Variants in SLC24A4 observed in about 807,000 individuals in gnomAD.
The protein encoded by SLC24A4 is solute carrier family 24 member 4, also known as sodium/potassium/calcium exchanger 4.
SLC24A4 carries 53 observed loss-of-function variants against 79.0 expected under a neutral mutation model. That is an observed-to-expected ratio of 0.67 (90% confidence interval 0.54 to 0.84). SLC24A4 has a LOEUF of 0.84. Among genes scored for constraint, SLC24A4 ranks in the 40% least tolerant of loss-of-function variants. The probability of loss-of-function intolerance (pLI) is 0.00; values close to 1 mark genes in which losing one functional copy is unlikely to be tolerated. For missense variants in SLC24A4, 731 were observed against 822.0 expected, an observed-to-expected ratio of 0.89 and a Z score of 1.35; for synonymous variants, 323 against 323.8, an observed-to-expected ratio of 1.00 and a Z score of 0.03.
At chr14:92,406,909 G>GA (rs1890417622) in intron 2 of SLC24A4, among the ~76,000 whole-genome samples, 1 of 152,148 alleles carries the variant, frequency 6.6e-6, no homozygotes, top group Admixed American at 6.5e-5. Flanking sequence ...CTTCTCCTGA[G>GA]AAAATGGGTT....
At chr14:92,408,285 T>C (rs931107483) in intron 2 of SLC24A4, 3 of 513,220 alleles carry the variant, frequency 5.8e-6, no homozygotes, top group Non-Finnish European at 5.0e-6. Context: ...AATCTGTTAT[T>C]GTGTTTGTTG....
Position 92,323,730 on chromosome 14 carries a change from C to T in SLC24A4, c.-101C>T. On this transcript the variant is annotated 5_prime_UTR_variant, in exon 1 of 17. Coordinates refer to ENST00000532405, the MANE Select transcript of SLC24A4 (RefSeq NM_153646.4). The surrounding 1 kb of genome is among the most constrained non-coding windows in gnomAD (Gnocchi z 4.9). ...CCCGGAGCTCCTCGCCTCTGAGTCG[C>T]GCACCGCCTGCTCCAGCCCCAGCGC... The T allele has an allele frequency of 7.0e-7, 1 of 1,422,356 alleles. No individual in the cohort carries two copies. The highest frequency in any genetic ancestry group is 9.3e-7 in the Non-Finnish European group (1 of 1,074,796). The allele number at this position is 1,422,356 out of a possible 1,614,324, so 88.1% of individuals were successfully genotyped here.
In SLC24A4 at chr14:92,324,454, CG is replaced by C. The variant is rs986916176; in HGVS notation, c.130+500del. On this transcript the variant is annotated intron_variant, in intron 1 of 16. Transcript: ENST00000532405. ...CTAAAGGCGTTGGGGCAGTCTGCCGCGGGGGGTAGCTGCCATGTTTCAGCAT... is the reference window on the plus strand; with the variant it reads ...CTAAAGGCGTTGGGGCAGTCTGCCGCGGGGGTAGCTGCCATGTTTCAGCAT... 1.1e-4 allele frequency among the ~76,000 whole-genome samples: 16 copies of C among 152,318 alleles called. No homozygotes were observed. The East Asian group carries it at 2.1e-3, about 20-fold the overall frequency.
At chr14:92,380,663 A>G (rs1209914564) in intron 2 of SLC24A4, among the ~76,000 whole-genome samples, 2 of 152,240 alleles carry the variant, frequency 1.3e-5, no homozygotes, top group Non-Finnish European at 2.9e-5. Flanking sequence ...CCAGGAAGGA[A>G]CTTGCGGCTC....
intron 2 of SLC24A4, among the ~76,000 whole-genome samples, chr14:92,422,802 G>C (rs1052773150): frequency 1.6e-4 from 24 of 152,122 alleles, no homozygotes; most frequent in African/African-American, 5.6e-4. Context: ...CCTAGGTTCC[G>C]AATTTACTTT....
intron 2 of SLC24A4, among the ~76,000 whole-genome samples, chr14:92,404,809 C>G (rs551045803): frequency 2.0e-5 from 3 of 152,280 alleles, no homozygotes; most frequent in African/African-American, 7.2e-5. Flanking sequence ...CACTCCCACC[C>G]CTTACTTCAT....
intron 2 of SLC24A4, among the ~76,000 whole-genome samples, chr14:92,389,928 C>T (rs1372761352): frequency 6.6e-6 from 1 of 152,216 alleles, no homozygotes; most frequent in Non-Finnish European, 1.5e-5. Flanking sequence ...TCCTCTGCAG[C>T]TTGTTCTCTT....
At chr14:92,351,179 G>C (rs764552569) in intron 2 of SLC24A4, among the ~76,000 whole-genome samples, 1 of 151,248 alleles carries the variant, frequency 6.6e-6, no homozygotes, top group Non-Finnish European at 1.5e-5. Flanking sequence ...GCACCCAGTG[G>C]TCACTTGGGC....
Position 92,453,961 on chromosome 14 carries a change from C to A in SLC24A4, c.942C>A (p.Ser314=). 3 of 1,613,706 alleles carry A rather than the reference C, an allele frequency of 1.9e-6. No individual in the cohort carries two copies. Among genetic ancestry groups the A allele is most frequent in the Non-Finnish European group, 2.5e-6 (3 of 1,179,824 alleles). ...PVVMVDEIMS[S]SPPKFTFPEA... ...TGATGGTGGACGAGATTATGAGCTCCAGCCCTCCCAAGTTCACCTTCCCTG... is the reference window on the plus strand; with the variant it reads ...TGATGGTGGACGAGATTATGAGCTCAAGCCCTCCCAAGTTCACCTTCCCTG... The change falls in exon 11 of 17, where the codon TCC becomes TCA. Residue 314 remains serine (S), a synonymous_variant. Transcript: ENST00000532405.
chr14:92,449,061 C>G lies in SLC24A4; in HGVS notation c.738-13C>G. On this transcript the variant is annotated splice_polypyrimidine_tract_variant and intron_variant, in intron 9 of 16. Coordinates refer to ENST00000532405, the MANE Select transcript of SLC24A4 (RefSeq NM_153646.4). The stretch of plus-strand genomic sequence containing the variant: ...TTCCATTGCCCTGACCTCCTGCCTC[C>G]CCTCGCTTCCAGGTACAATGTGAAG... 1 of 1,613,930 alleles carries G rather than the reference C, an allele frequency of 6.2e-7. No individual in the cohort carries two copies. Among genetic ancestry groups the G allele is most frequent in the Non-Finnish European group, 8.5e-7 (1 of 1,179,868 alleles).
chr14:92,493,233 G>A (rs76500167), intron 16 of SLC24A4, among the ~76,000 whole-genome samples: 1,608 of 152,246 alleles, frequency 0.011, 17 homozygotes, highest in African/African-American at 0.037. Context: ...GTCCCATGAG[G>A]GCGGCTGCTG....
At chr14:92,379,208 G>C (rs559188168) in intron 2 of SLC24A4, among the ~76,000 whole-genome samples, 1 of 152,304 alleles carries the variant, frequency 6.6e-6, no homozygotes, top group Non-Finnish European at 1.5e-5. Context: ...GTGAGAGGTG[G>C]GGGATGACCT....
chr14:92,408,202 T>TGTGTGTGTGTGTGTGTGTGTGTG (rs33968349), intron 2 of SLC24A4, among the ~76,000 whole-genome samples: 1 of 151,438 alleles, frequency 6.6e-6, no homozygotes, highest in Admixed American at 6.6e-5. Context: ...TGTGTGTGTG[T>TGTGTGTGTGTGTGTGTGTGTGTG]TTCACATCCA....
At chr14:92,460,513 G>T (rs1462846441) in intron 12 of SLC24A4, among the ~76,000 whole-genome samples, 2 of 152,184 alleles carry the variant, frequency 1.3e-5, no homozygotes, top group Non-Finnish European at 2.9e-5. Context: ...TGTCATTCCA[G>T]GGCTCAAGGA....
intron 2 of SLC24A4, among the ~76,000 whole-genome samples, chr14:92,430,434 G>A (rs1252683916): frequency 3.3e-5 from 5 of 152,236 alleles, no homozygotes; most frequent in South Asian, 2.1e-4. Flanking sequence ...GGAGGCCTCC[G>A]AATGGCAGAT....
At chr14:92,425,451 G>A (rs74073048) in intron 2 of SLC24A4, among the ~76,000 whole-genome samples, 11,242 of 152,268 alleles carry the variant, frequency 0.074, 652 homozygotes, top group African/African-American at 0.14. Flanking sequence ...AAACAGTAGA[G>A]AAGGTGGCTG....
intron 2 of SLC24A4, among the ~76,000 whole-genome samples, chr14:92,368,427 T>C (rs1362147378): frequency 3.3e-5 from 5 of 152,100 alleles, no homozygotes; most frequent in Non-Finnish European, 7.4e-5. Context: ...TTTGGAGACA[T>C]CTGGAAGGAG....
At chr14:92,434,061 T>A in intron 3 of SLC24A4, 73 bp downstream of exon 3, 1 of 1,165,836 alleles carries the variant, frequency 8.6e-7, no homozygotes, top group Non-Finnish European at 1.3e-6. Flanking sequence ...GGCAGAGCCG[T>A]GGCGTGTCTG....
Position 92,325,597 on chromosome 14 carries a change from C to T in SLC24A4, c.131-271C>T, listed in dbSNP as rs117243934. ...TCACCTATCTAAACCGTTTGTTGCA[C>T]CTATGAGGTGCTGAGACCACCTCAG... On this transcript the variant is annotated intron_variant, in intron 1 of 16. Coordinates refer to ENST00000532405, the MANE Select transcript of SLC24A4 (RefSeq NM_153646.4). Among the ~76,000 whole-genome samples, 513 of 152,292 alleles carry T rather than the reference C, an allele frequency of 3.4e-3. 8 individuals are homozygous for T. The East Asian group carries it at 0.041, about 12-fold the overall frequency.
Sources: allele counts gnomAD v4.1 joint callset (sites outside exome capture counted in the v4.1 genomes callset), GRCh38; gene constraint gnomAD v4.1.1; non-coding constraint Gnocchi (gnomAD v3.1); transcripts MANE v1.5; gene names NCBI Gene and HGNC (gene_info 2026-07-23, HGNC 2026-07-21).